The following NXPH2 variants were observed in gnomAD, a reference collection of about 807,000 sequenced individuals.
NXPH2 encodes the protein neurexophilin-2.
NXPH2 carries 5 observed loss-of-function variants against 19.8 expected under a neutral mutation model. The observed-to-expected ratio is 0.25, with a 90% CI of 0.13 to 0.53. The LOEUF (loss-of-function observed/expected upper bound fraction) is 0.53, where lower values mean the gene tolerates loss of function less well. Ranked by LOEUF, NXPH2 falls within the 20% of genes least tolerant of loss-of-function variation. The pLI is 0.96. For synonymous variants in NXPH2, 154 were observed against 127.4 expected (o/e 1.21, Z -1.41); for missense variants, 289 against 322.8 (o/e 0.90, Z 0.80).
chr2:138,708,319 A>G (rs1260132374), intron 1 of NXPH2, among the ~76,000 whole-genome samples: 5 of 152,342 alleles, frequency 3.3e-5, no homozygotes, highest in South Asian at 2.1e-4. Context: ...ATGAGTATCA[A>G]TGAATTAAGA....
intron 1 of NXPH2, among the ~76,000 whole-genome samples, chr2:138,765,346 C>T (rs1293202248): frequency 6.6e-6 from 1 of 152,080 alleles, no homozygotes; most frequent in Non-Finnish European, 1.5e-5. Flanking sequence ...TAAGTAAGGT[C>T]AATATTTATG....
chr2:138,721,351 A>C (rs1037547197), intron 1 of NXPH2, among the ~76,000 whole-genome samples: 209 of 152,240 alleles, frequency 1.4e-3, no homozygotes, highest in African/African-American at 4.7e-3. Flanking sequence ...AAAAAAAAAA[A>C]ATTGCCAGAG....
At chr2:138,683,626 T>C (rs1198031802) in intron 1 of NXPH2, among the ~76,000 whole-genome samples, 2 of 152,234 alleles carry the variant, frequency 1.3e-5, no homozygotes, top group African/African-American at 2.4e-5. Context: ...CTCACTGTGA[T>C]GGTGAGTTTT....
At chr2:138,779,182 C>A (rs1682311302) in intron 1 of NXPH2, among the ~76,000 whole-genome samples, 1 of 152,138 alleles carries the variant, frequency 6.6e-6, no homozygotes, top group South Asian at 2.1e-4. Context: ...AGTATGAGGA[C>A]CAAAGAAACT....
Position 138,672,416 on chromosome 2 carries a change from C to T in NXPH2, c.52-751G>A, listed in dbSNP as rs1205597083. ...CATGTGCATTGTTTTATGGGTTCCT[C>T]AGTATTTTGGTTCAAATCATAGCCA... On this transcript the variant is annotated intron_variant, in intron 1 of 1. Transcript: ENST00000272641. 7.2e-5 allele frequency among the ~76,000 whole-genome samples: 11 copies of T among 152,066 alleles called. No homozygotes were observed. The South Asian group carries it at 2.3e-3, about 32-fold the overall frequency.
chr2:138,779,238 G>GAGCTAAGTGACCAGAAGAAATCCATC (rs1558747109), intron 1 of NXPH2, among the ~76,000 whole-genome samples: 2 of 152,184 alleles, frequency 1.3e-5, no homozygotes, highest in Non-Finnish European at 2.9e-5. Flanking sequence ...AACAAGGCAA[G>GAGCTAAGTGACCAGAAGAAATCCATC]AGCTAAGTGA....
intron 1 of NXPH2, among the ~76,000 whole-genome samples, chr2:138,757,855 AT>A (rs1681940377): frequency 7.1e-6 from 1 of 140,336 alleles, no homozygotes; most frequent in Non-Finnish European, 1.6e-5. Flanking sequence ...CTATCTATCT[AT>A]CTATCTATCT....
chr2:138,769,804 G>A (rs142913058), intron 1 of NXPH2, among the ~76,000 whole-genome samples: 2,109 of 152,206 alleles, frequency 0.014, 20 homozygotes, highest in Middle Eastern at 0.031. Flanking sequence ...ACTTATCTAT[G>A]AAATTTGCCC....
At chr2:138,759,372 C>G (rs1681966107) in intron 1 of NXPH2, among the ~76,000 whole-genome samples, 1 of 150,178 alleles carries the variant, frequency 6.7e-6, no homozygotes, top group South Asian at 2.3e-4. Context: ...CCAGGCTTTG[C>G]CCATCACTAT....
At chr2:138,687,648 T>C (rs559775817) in intron 1 of NXPH2, among the ~76,000 whole-genome samples, 3 of 152,366 alleles carry the variant, frequency 2.0e-5, no homozygotes, top group African/African-American at 7.2e-5. Flanking sequence ...CTCTAGGTTT[T>C]CTTATAGGGT....
intron 1 of NXPH2, among the ~76,000 whole-genome samples, chr2:138,745,715 A>T (rs1365920844): frequency 6.6e-6 from 1 of 152,220 alleles, no homozygotes; most frequent in Non-Finnish European, 1.5e-5. Context: ...TCTTGGAAAC[A>T]TAATGTTGGG....
chr2:138,683,714 A>G (rs184208667), intron 1 of NXPH2, among the ~76,000 whole-genome samples: 2 of 152,294 alleles, frequency 1.3e-5, no homozygotes, highest in Admixed American at 6.5e-5. Flanking sequence ...GATTTTGTAG[A>G]TATGATTTGT....
chr2:138,709,803 T>A (rs1178592937), intron 1 of NXPH2, among the ~76,000 whole-genome samples: 2 of 152,220 alleles, frequency 1.3e-5, no homozygotes, highest in Admixed American at 1.3e-4. Context: ...TTTCACTTAG[T>A]ATTGTACATT....
rs760568804 is a variant in NXPH2 at position 138,670,893 on chromosome 2, T to C, written c.*29A>G. On this transcript the variant is annotated 3_prime_UTR_variant, in exon 2 of 2. Coordinates refer to ENST00000272641, the MANE Select transcript of NXPH2 (RefSeq NM_007226.3). Reference sequence around the variant, plus strand: ...TTGTCATTCTAATCAAATACATATGTATCCCTCATTTCCACCACAGCAGGA... The same window carrying C: ...TTGTCATTCTAATCAAATACATATGCATCCCTCATTTCCACCACAGCAGGA... 6.3e-7 allele frequency: 1 copy of C among 1,593,286 alleles called. No homozygotes were observed. The highest frequency in any genetic ancestry group is 1.7e-5 in the Admixed American group (1 of 58,752).
chr2:138,760,931 A>G (rs1682001732), intron 1 of NXPH2, among the ~76,000 whole-genome samples: 1 of 152,174 alleles, frequency 6.6e-6, no homozygotes, highest in African/African-American at 2.4e-5. Flanking sequence ...AAGTGAGCTC[A>G]GAGGAAAGGC....
At chr2:138,754,055 C>T (rs1681864880) in intron 1 of NXPH2, among the ~76,000 whole-genome samples, 2 of 152,088 alleles carry the variant, frequency 1.3e-5, no homozygotes, top group South Asian at 4.1e-4. Context: ...TGGACTCACA[C>T]TCCTGGGCTC....
At chr2:138,767,120 G>T (rs1227934675) in intron 1 of NXPH2, among the ~76,000 whole-genome samples, 2 of 152,102 alleles carry the variant, frequency 1.3e-5, no homozygotes, top group East Asian at 3.9e-4. Flanking sequence ...ATTATACTCT[G>T]TTCTTAAGCA....
At chr2:138,707,709 A>G (rs986794218) in intron 1 of NXPH2, among the ~76,000 whole-genome samples, 3 of 152,102 alleles carry the variant, frequency 2.0e-5, no homozygotes, top group African/African-American at 7.2e-5. Context: ...ACTTTTCCAT[A>G]CTTGCTAACC....
At chr2:138,693,563 C>G in intron 1 of NXPH2, among the ~76,000 whole-genome samples, 1 of 151,866 alleles carries the variant, frequency 6.6e-6, no homozygotes, top group Admixed American at 6.6e-5. Flanking sequence ...ATTATAGATT[C>G]TTGATGGTGA....
Sources: allele counts gnomAD v4.1 joint callset (sites outside exome capture counted in the v4.1 genomes callset), GRCh38; gene constraint gnomAD v4.1.1; transcripts MANE v1.5; gene names NCBI Gene and HGNC (gene_info 2026-07-23, HGNC 2026-07-21).